Variants in PTPN13 observed in about 807,000 individuals in gnomAD.
PTPN13 encodes protein tyrosine phosphatase non-receptor type 13, also known as tyrosine-protein phosphatase non-receptor type 13.
In PTPN13, 191 loss-of-function variants were observed where a neutral mutation model predicts 284.0. The observed-to-expected ratio is 0.67, with a 90% CI of 0.60 to 0.76. PTPN13 has a LOEUF of 0.76. Ranked by LOEUF, PTPN13 falls within the 30% of genes least tolerant of loss-of-function variation. The pLI, the probability that PTPN13 is intolerant of heterozygous loss-of-function variation, is 0.00. For synonymous variants in PTPN13, 986 were observed against 1,022.3 expected, an observed-to-expected ratio of 0.96 and a Z score of 0.68; for missense variants, 2,797 against 2,939.9, an observed-to-expected ratio of 0.95 and a Z score of 1.12.
At chr4:86,689,797 G>C (rs1729839584) in intron 5 of PTPN13, 1 of 700,556 alleles carries the variant, frequency 1.4e-6, no homozygotes, top group Admixed American at 2.0e-5. Context: ...TTACCTGAAA[G>C]TCCCACCTCT....
At chr4:86,774,109 G>T (rs1330838553) in intron 32 of PTPN13, among the ~76,000 whole-genome samples, 1 of 152,076 alleles carries the variant, frequency 6.6e-6, no homozygotes, top group Non-Finnish European at 1.5e-5. Context: ...AAGAAAGCAG[G>T]AGTAAATTCT....
In PTPN13 at chr4:86,701,569, T is replaced by C. The variant is rs776697002; in HGVS notation, c.963T>C (p.Tyr321=). The change falls in exon 7 of 48, where the codon TAT becomes TAC. Residue 321 remains tyrosine (Y), a synonymous_variant. Coordinates refer to ENST00000411767, the MANE Select transcript of PTPN13 (RefSeq NM_080683.3). ...TCTCTTCAGGAGAGACTGCCACATA[T>C]CGTCGTTGTCACCCTGAGGCAGTAA... ...RDFSSGETAT[Y]RRCHPEAVTV... is the part of the protein sequence containing the mutation. 6.8e-6 allele frequency: 11 copies of C among 1,613,734 alleles called. No individual in the cohort carries two copies. Among genetic ancestry groups the C allele is most frequent in the Admixed American group, 1.7e-5 (1 of 59,994 alleles).
Position 86,765,443 on chromosome 4 carries a change from G to A in PTPN13, c.4198G>A (p.Val1400Ile). ...ACATGGTGGCATTTATGTGAAAGCT[G>A]TTATTCCCCAGGGAGCAGCAGAGTC... Reference protein sequence around the residue: ...VRHGGIYVKAVIPQGAAESDG... With the variant: ...VRHGGIYVKAIIPQGAAESDG... The change falls in exon 26 of 48, where the codon GTT becomes ATT. Residue 1400 changes from valine (V) to isoleucine (I), a missense_variant. By Grantham distance (29) the Val-to-Ile change is conservative. Coordinates refer to ENST00000411767, the MANE Select transcript of PTPN13 (RefSeq NM_080683.3). The A allele has an allele frequency of 6.2e-7, 1 of 1,602,754 alleles. No individual in the cohort carries two copies. Among genetic ancestry groups the A allele is most frequent in the Non-Finnish European group, 8.5e-7 (1 of 1,174,074 alleles).
chr4:86,686,665 A>G (rs1565322985), intron 3 of PTPN13, 45 bp from the exon 4 acceptor site: 2 of 1,266,532 alleles, frequency 1.6e-6, no homozygotes, highest in South Asian at 1.4e-5. Flanking sequence ...TTAATTTTCT[A>G]TTGTATTTTA....
In PTPN13 at chr4:86,779,762, A is replaced by G. The variant is rs141381156; in HGVS notation, c.5892-640A>G. On this transcript the variant is annotated intron_variant, in intron 35 of 47. Coordinates refer to ENST00000411767, the MANE Select transcript of PTPN13 (RefSeq NM_080683.3). Reference sequence around the variant, plus strand: ...CCCTCTTCTCTCAATTATCAGCAACAATAAGATTGCATACTAATCTTCTAT... The same window carrying G: ...CCCTCTTCTCTCAATTATCAGCAACGATAAGATTGCATACTAATCTTCTAT... Among the ~76,000 whole-genome samples, 208 of 152,278 alleles carry G rather than the reference A, an allele frequency of 1.4e-3. 2 individuals carry two copies. The highest frequency in any genetic ancestry group is 4.8e-3 in the African/African-American group (199 of 41,556).
intron 9 of PTPN13, among the ~76,000 whole-genome samples, chr4:86,721,321 G>C (rs1163578959): frequency 6.6e-6 from 1 of 151,996 alleles, no homozygotes; most frequent in African/African-American, 2.4e-5. Flanking sequence ...ATTACATTCA[G>C]TTATTGACTT....
At chr4:86,633,237 C>T (rs551519142) in intron 1 of PTPN13, among the ~76,000 whole-genome samples, 2 of 152,092 alleles carry the variant, frequency 1.3e-5, no homozygotes, top group African/African-American at 2.4e-5. Context: ...TCTGTGTGGC[C>T]GTGCTTCCTT....
At chr4:86,802,834 G>GA (rs1744181204) in intron 42 of PTPN13, among the ~76,000 whole-genome samples, 1 of 152,160 alleles carries the variant, frequency 6.6e-6, no homozygotes, top group African/African-American at 2.4e-5. Flanking sequence ...CACTTTGGGA[G>GA]GCCAAGGCAG....
intron 2 of PTPN13, among the ~76,000 whole-genome samples, chr4:86,668,583 A>AT (rs1298575937): frequency 6.6e-6 from 1 of 151,546 alleles, no homozygotes; most frequent in African/African-American, 2.4e-5. Flanking sequence ...GTAATTTCTC[A>AT]TTTTTGTTTT....
chr4:86,723,315 A>T (rs1733878931), intron 10 of PTPN13, among the ~76,000 whole-genome samples: 1 of 152,198 alleles, frequency 6.6e-6, no homozygotes, highest in African/African-American at 2.4e-5. Flanking sequence ...AGGAGCTAGC[A>T]TTGCCACCTG....
At chr4:86,639,584 A>T (rs1723508719) in intron 2 of PTPN13, among the ~76,000 whole-genome samples, 1 of 152,002 alleles carries the variant, frequency 6.6e-6, no homozygotes, top group South Asian at 2.1e-4. Flanking sequence ...AAGGACAAAA[A>T]ACCAAACACC....
At chr4:86,649,962 T>G (rs1213574448) in intron 2 of PTPN13, among the ~76,000 whole-genome samples, 1 of 152,164 alleles carries the variant, frequency 6.6e-6, no homozygotes, top group Admixed American at 6.5e-5. Context: ...TTGTGTGTCC[T>G]CTTCAACTTA....
intron 1 of PTPN13, among the ~76,000 whole-genome samples, chr4:86,620,831 G>A (rs1159826331): frequency 6.6e-6 from 1 of 152,142 alleles, no homozygotes; most frequent in Non-Finnish European, 1.5e-5. Flanking sequence ...TTACCTCTGG[G>A]AATTATAGAA....
At chr4:86,808,686 T>A (rs11724937) in intron 45 of PTPN13, among the ~76,000 whole-genome samples, 318 of 152,350 alleles carry the variant, frequency 2.1e-3, no homozygotes, top group Admixed American at 3.7e-3. Flanking sequence ...GCTAGCACAG[T>A]TGTTCAATAT....
In PTPN13 at chr4:86,710,021, G is replaced by A. The variant is rs1732206595; in HGVS notation, c.1196-6509G>A. ...TAGAACATATTCTATTGATTGCAATGTGGTGTAATATGGAATACAGTAGAC... is the reference window on the plus strand; with the variant it reads ...TAGAACATATTCTATTGATTGCAATATGGTGTAATATGGAATACAGTAGAC... On this transcript the variant is annotated intron_variant, in intron 7 of 47. Transcript: ENST00000411767. 4.6e-5 allele frequency among the ~76,000 whole-genome samples: 7 copies of A among 152,262 alleles called. No individual in the cohort carries two copies. In the South Asian group the frequency reaches 1.5e-3, roughly 32 times the overall value.
intron 1 of PTPN13, among the ~76,000 whole-genome samples, chr4:86,634,093 G>T (rs969447539): frequency 6.6e-6 from 1 of 152,108 alleles, no homozygotes; most frequent in African/African-American, 2.4e-5. Context: ...TTTCAGTCAG[G>T]ATTAAGTACC....
intron 15 of PTPN13, among the ~76,000 whole-genome samples, chr4:86,736,639 A>T (rs1008267264): frequency 6.6e-6 from 1 of 152,210 alleles, no homozygotes; most frequent in Admixed American, 6.5e-5. Context: ...ACATTTTTAT[A>T]CTTGTAGAAA....
In PTPN13 at chr4:86,780,445, T is replaced by C; in HGVS notation, c.5935T>C (p.Ser1979Pro). ...CCCCAGCTCAAAGAGGTCTGCTGTT[T>C]CAGCTCCAAAGTCAACCAAAGGCAA... The part of the protein sequence containing the change: ...VVPSSKRSAV[S>P]APKSTKGNGS... The change falls in exon 36 of 48, where the codon TCA (serine) becomes CCA (proline). Residue 1979 changes from serine to proline, a missense_variant. Physicochemically the swap from Ser to Pro is moderately conservative, Grantham distance 74 (BLOSUM62 -1). Coordinates refer to ENST00000411767, the MANE Select transcript of PTPN13 (RefSeq NM_080683.3). 1 of 1,611,198 alleles carries C rather than the reference T, an allele frequency of 6.2e-7. No homozygotes were observed. Among genetic ancestry groups the C allele is most frequent in the Non-Finnish European group, 8.5e-7 (1 of 1,178,322 alleles).
At chr4:86,788,294 G>A (rs965310957) in intron 40 of PTPN13, among the ~76,000 whole-genome samples, 1 of 152,100 alleles carries the variant, frequency 6.6e-6, no homozygotes, top group Non-Finnish European at 1.5e-5. Flanking sequence ...GTTTCATCTT[G>A]TATTTCTAGA....
Sources: allele counts gnomAD v4.1 joint callset (sites outside exome capture counted in the v4.1 genomes callset), GRCh38; gene constraint gnomAD v4.1.1; transcripts MANE v1.5; gene names NCBI Gene and HGNC (gene_info 2026-07-23, HGNC 2026-07-21).